DENND1B: variants seen among roughly 807,000 people sequenced by gnomAD.
DENND1B encodes the protein DENN domain-containing protein 1B.
Under a neutral mutation model 90.1 loss-of-function variants are expected in DENND1B, and 59 were observed. The ratio of observed to expected loss-of-function variants is 0.65; its 90% CI spans 0.53 to 0.81. The LOEUF (loss-of-function observed/expected upper bound fraction) is 0.81, where lower values mean the gene tolerates loss of function less well. Among genes scored for constraint, DENND1B ranks in the 40% least tolerant of loss-of-function variants. DENND1B has a pLI of 0.00. For synonymous variants in DENND1B, 337 were observed against 324.6 expected (o/e 1.04, Z -0.41); for missense variants, 862 against 912.6 (o/e 0.94, Z 0.71).
intron 2 of DENND1B, among the ~76,000 whole-genome samples, chr1:197,760,567 A>C (rs1006646914): frequency 8.6e-5 from 13 of 151,802 alleles, no homozygotes; most frequent in Admixed American, 8.5e-4. Flanking sequence ...TGCTGGGCCC[A>C]AGAGGTGGAA....
intron 11 of DENND1B, 31 bp downstream of exon 11, chr1:197,617,628 A>T (rs553706668): frequency 1.3e-6 from 2 of 1,508,554 alleles, no homozygotes; most frequent in African/African-American, 2.8e-5. Flanking sequence ...TGAAACCTAA[A>T]CTTAAAGGAG....
intron 21 of DENND1B, 63 bp downstream of exon 21, chr1:197,512,808 A>G (rs1668122502): frequency 7.4e-6 from 11 of 1,493,726 alleles, no homozygotes; most frequent in Non-Finnish European, 1.0e-5. Flanking sequence ...AATACCCTTT[A>G]TCACCAAAAA....
At chr1:197,706,748 T>C (rs112741086) in intron 3 of DENND1B, among the ~76,000 whole-genome samples, 9 of 152,120 alleles carry the variant, frequency 5.9e-5, no homozygotes, top group East Asian at 3.9e-4. Flanking sequence ...CCAGTTACAA[T>C]AGTTATCATC....
chr1:197,717,189 G>A (rs902036976), intron 2 of DENND1B, among the ~76,000 whole-genome samples: 1 of 151,792 alleles, frequency 6.6e-6, no homozygotes, highest in Non-Finnish European at 1.5e-5. Context: ...CTTTTCAGAA[G>A]TACTGCAAAG....
intron 6 of DENND1B, among the ~76,000 whole-genome samples, chr1:197,655,324 A>G (rs966999139): frequency 2.6e-5 from 4 of 152,198 alleles, no homozygotes; most frequent in African/African-American, 9.6e-5. Context: ...TTTTGACTCA[A>G]TATCTATTTG....
At chr1:197,566,334 GTTGT>G (rs1406678971) in intron 15 of DENND1B, among the ~76,000 whole-genome samples, 15 of 152,036 alleles carry the variant, frequency 9.9e-5, no homozygotes, top group South Asian at 2.1e-4. Context: ...TTTTGATGGG[GTTGT>G]TTGTTTTTTT....
chr1:197,651,616 G>A (rs916953153), intron 7 of DENND1B, among the ~76,000 whole-genome samples: 4 of 141,314 alleles, frequency 2.8e-5, no homozygotes, highest in African/African-American at 7.9e-5. Flanking sequence ...CCTTTATTAT[G>A]CACGGATTTC....
chr1:197,550,015 G>A (rs967316649), intron 16 of DENND1B, among the ~76,000 whole-genome samples: 4 of 151,924 alleles, frequency 2.6e-5, no homozygotes, highest in East Asian at 1.9e-4. Context: ...CATAACCATC[G>A]GCATTAACAA....
Position 197,647,097 on chromosome 1 carries a change from A to C in DENND1B, c.465T>G (p.Ile155Met). Residue 155 changes from isoleucine (I) to methionine (M), a missense_variant, in exon 8 of 23, where the codon ATT (isoleucine) becomes ATG (methionine). By Grantham distance (10) the Ile-to-Met change is conservative (BLOSUM62 1). Coordinates refer to ENST00000620048, the MANE Select transcript of DENND1B (RefSeq NM_001195215.2). ...GATCTTTCAGAACTTGCTCACAGGCAATAAATATCTCTTGGTTCTTATAAT... is the reference window on the plus strand; with the variant it reads ...GATCTTTCAGAACTTGCTCACAGGCCATAAATATCTCTTGGTTCTTATAAT... ...VNLSVNQEIFIACEQVLKDQP... is the reference protein window; with the variant it reads ...VNLSVNQEIFMACEQVLKDQP... 1 of 1,464,588 alleles carries C rather than the reference A, an allele frequency of 6.8e-7. No individual in the cohort carries two copies. Among genetic ancestry groups the C allele is most frequent in the Non-Finnish European group, 9.0e-7 (1 of 1,116,536 alleles). The allele number at this position is 1,464,588 out of a possible 1,614,324, so 90.7% of individuals were successfully genotyped here.
At chr1:197,759,565 C>T (rs1295495723) in intron 2 of DENND1B, among the ~76,000 whole-genome samples, 2 of 150,914 alleles carry the variant, frequency 1.3e-5, no homozygotes, top group African/African-American at 2.4e-5. Context: ...GGTGAAACTC[C>T]GTCTCTACTA....
chr1:197,651,477 T>C (rs1653162836), intron 7 of DENND1B, among the ~76,000 whole-genome samples: 1 of 151,964 alleles, frequency 6.6e-6, no homozygotes, highest in Admixed American at 6.6e-5. Context: ...GACATATTAC[T>C]GTATAGGGAA....
At chr1:197,696,561 A>G (rs1421731462) in intron 3 of DENND1B, among the ~76,000 whole-genome samples, 1 of 151,526 alleles carries the variant, frequency 6.6e-6, no homozygotes, top group African/African-American at 2.4e-5. Context: ...CCCTCTGCTA[A>G]GTTACATCAT....
At chr1:197,616,806 T>C (rs1401578766) in intron 11 of DENND1B, among the ~76,000 whole-genome samples, 6 of 151,160 alleles carry the variant, frequency 4.0e-5, no homozygotes, top group Admixed American at 4.0e-4. Context: ...AGGTCAAAAT[T>C]GTTTCCTTCT....
At chr1:197,770,797 TA>T (rs1472368721) in intron 2 of DENND1B, among the ~76,000 whole-genome samples, 1 of 138,952 alleles carries the variant, frequency 7.2e-6, no homozygotes, top group African/African-American at 2.7e-5. Context: ...TATATATCTA[TA>T]AATATATATA....
At chr1:197,528,151 T>C (rs992091281) in intron 20 of DENND1B, among the ~76,000 whole-genome samples, 2 of 152,188 alleles carry the variant, frequency 1.3e-5, no homozygotes, top group African/African-American at 4.8e-5. Context: ...TAAGATATTC[T>C]TTTCTTATAA....
At position 197,507,489 on chromosome 1, in the gene DENND1B, C is replaced by T. The variant is rs1035501757; in HGVS notation, c.*2971G>A. 2 of 151,222 alleles carry T rather than the reference C, an allele frequency of 1.3e-5. No homozygotes were observed. The highest frequency in any genetic ancestry group is 4.8e-5 in the African/African-American group (2 of 41,246). The allele number at this position is 151,222 out of a possible 1,614,324, so 9.4% of individuals were successfully genotyped here. ...TAAATTCCAATATTATTTCTCTATA[C>T]CCCTGAAATACCACGGATGCAATAT... On this transcript the variant is annotated 3_prime_UTR_variant, in exon 23 of 23. Coordinates refer to ENST00000620048, the MANE Select transcript of DENND1B (RefSeq NM_001195215.2).
At chr1:197,638,530 C>A (rs938234568) in intron 10 of DENND1B, among the ~76,000 whole-genome samples, 1 of 152,142 alleles carries the variant, frequency 6.6e-6, no homozygotes, top group African/African-American at 2.4e-5. Context: ...TAGAGAAAGT[C>A]TGGTGAGGTA....
intron 15 of DENND1B, among the ~76,000 whole-genome samples, chr1:197,554,205 T>A (rs1671506187): frequency 6.6e-6 from 1 of 151,810 alleles, no homozygotes; most frequent in Admixed American, 6.6e-5. Context: ...CACCTAGAAT[T>A]TGATATGTTG....
At chr1:197,539,332 T>G (rs1220948426) in intron 20 of DENND1B, among the ~76,000 whole-genome samples, 1 of 152,174 alleles carries the variant, frequency 6.6e-6, no homozygotes, top group Non-Finnish European at 1.5e-5. Flanking sequence ...CAAGAATTCT[T>G]TTTTGAAGCT....
Sources: gnomAD v4.1 joint callset for allele counts (sites outside exome capture counted in the v4.1 genomes callset) on GRCh38, gnomAD v4.1.1 for gene constraint, MANE v1.5 for transcripts, NCBI Gene and HGNC (gene_info 2026-07-23, HGNC 2026-07-21) for gene names.